APOO: variants seen among roughly 807,000 people sequenced by gnomAD.
APOO encodes apolipoprotein O.
APOO carries 11 observed loss-of-function variants against 23.1 expected under a neutral mutation model. The ratio of observed to expected loss-of-function variants is 0.48; its 90% CI spans 0.30 to 0.79. APOO has a LOEUF of 0.79. Among genes scored for constraint, APOO ranks in the 30% least tolerant of loss-of-function variants. APOO has a pLI of 0.07. For synonymous variants in APOO, 59 were observed against 54.8 expected (o/e 1.08, Z -0.34); for missense variants, 160 against 142.7 (o/e 1.12, Z -0.62).
At chrX:23,853,109 T>C (rs948498288) in intron 7 of APOO, among the ~76,000 whole-genome samples, 1 of 110,332 alleles carries the variant, frequency 9.1e-6, no homozygotes, top group African/African-American at 3.3e-5. Context: ...AATACAAAAA[T>C]TAGCTGGGTG....
intron 1 of APOO, 63 bp downstream of exon 1, chrX:23,907,631 C>T (rs944703619): frequency 6.4e-5 from 71 of 1,117,733 alleles, no homozygotes; most frequent in Non-Finnish European, 9.5e-6. Flanking sequence ...CAAGAGAGCG[C>T]GGGGAGGGCT....
At chrX:23,888,727 G>A (rs1926481850) in intron 1 of APOO, among the ~76,000 whole-genome samples, 1 of 108,139 alleles carries the variant, frequency 9.2e-6, no homozygotes. Flanking sequence ...GCATGTGCCT[G>A]TAGTCCCAGC....
At chrX:23,896,896 C>T (rs1345435260) in intron 1 of APOO, among the ~76,000 whole-genome samples, 1 of 109,176 alleles carries the variant, frequency 9.2e-6, no homozygotes, top group Non-Finnish European at 1.9e-5. Context: ...CCTGCCTTGG[C>T]CTCCCAAAGC....
intron 7 of APOO, chrX:23,840,870 G>A (rs1923936291): frequency 8.9e-6 from 1 of 111,829 alleles, no homozygotes; most frequent in Non-Finnish European, 1.9e-5. Context: ...CACAAAACAT[G>A]TTTACTCTGA....
chrX:23,876,281 AAAAT>A (rs1925848838), intron 3 of APOO, among the ~76,000 whole-genome samples: 1 of 108,850 alleles, frequency 9.2e-6, no homozygotes, highest in African/African-American at 3.3e-5. Context: ...AAAAAAAATA[AAAAT>A]AAAAATAAAA....
chrX:23,900,006 T>C (rs187463809), intron 1 of APOO, among the ~76,000 whole-genome samples: 16 of 112,731 alleles, frequency 1.4e-4, no homozygotes, highest in Admixed American at 1.0e-3. Flanking sequence ...GTTCTTTTAA[T>C]GTATCGTTTT....
At chrX:23,873,147 T>C (rs1925693423) in intron 4 of APOO, among the ~76,000 whole-genome samples, 1 of 111,661 alleles carries the variant, frequency 9.0e-6, no homozygotes, top group African/African-American at 3.2e-5. Context: ...TACTAGGTCT[T>C]ATTCATTCTA....
intron 7 of APOO, among the ~76,000 whole-genome samples, chrX:23,841,548 C>T (rs776764010): frequency 7.2e-4 from 75 of 104,483 alleles, no homozygotes; most frequent in Middle Eastern, 5.0e-3. Context: ...ATGGTCACCA[C>T]ATCCACTTGA....
At chrX:23,881,398 A>T (rs1423091156) in intron 1 of APOO, among the ~76,000 whole-genome samples, 1 of 106,979 alleles carries the variant, frequency 9.3e-6, no homozygotes, top group African/African-American at 3.4e-5. Context: ...TTTTTAAAAA[A>T]TCAGCCAGGC....
At position 23,879,114 on chromosome X, in the gene APOO, TATA is replaced by T. The variant is rs1925995129; in HGVS notation, c.118-83_118-81del. 1.4e-5 allele frequency: 15 copies of T among 1,053,825 alleles called. No homozygotes were observed. In the South Asian group the frequency reaches 3.7e-4, roughly 26 times the overall value. The allele number at this position is 1,053,825 out of a possible 1,213,427, so 86.8% of individuals were successfully genotyped here. A position where few individuals can be genotyped will look rare whatever the true frequency, so the allele number is the denominator to read the frequency against. On this transcript the variant is annotated intron_variant, in intron 2 of 8. Coordinates refer to ENST00000379226, the MANE Select transcript of APOO (RefSeq NM_024122.5). The stretch of plus-strand genomic sequence containing the variant: ...ATTTATCAAATTTGTAAGTATTTAA[TATA>T]ATATTTCTAGTAATTCATGAATTAC...
chrX:23,856,554 ATTT>A (rs373801710), intron 6 of APOO, among the ~76,000 whole-genome samples, 172 bp from the exon 7 acceptor site: 1 of 103,098 alleles, frequency 9.7e-6, no homozygotes, highest in Non-Finnish European at 2.0e-5. Context: ...TCAATGGTAG[ATTT>A]TTTTTTTTTT....
intron 7 of APOO, among the ~76,000 whole-genome samples, chrX:23,847,605 G>A (rs1924305730): frequency 9.2e-6 from 1 of 109,208 alleles, no homozygotes; most frequent in Non-Finnish European, 1.9e-5. Context: ...CAGCCTGGGC[G>A]ACAGTGCGAG....
intron 1 of APOO, among the ~76,000 whole-genome samples, chrX:23,906,960 T>C (rs1413380855): frequency 8.9e-6 from 1 of 112,809 alleles, no homozygotes; most frequent in East Asian, 2.8e-4. Flanking sequence ...ATTTTATGGG[T>C]ACTATGCTTC....
At chrX:23,889,957 G>A (rs1046609284) in intron 1 of APOO, among the ~76,000 whole-genome samples, 18 of 110,904 alleles carry the variant, frequency 1.6e-4, no homozygotes, top group Admixed American at 2.9e-4. Flanking sequence ...CACCGCGCCT[G>A]GCCCACCTGG....
intron 7 of APOO, chrX:23,840,659 A>T (rs1190383159): frequency 9.3e-6 from 2 of 213,986 alleles, no homozygotes; most frequent in African/African-American, 5.9e-5. Flanking sequence ...GCCCTACTGT[A>T]GAGTGACTTG....
At chrX:23,873,445 A>G (rs1035636836) in intron 4 of APOO, among the ~76,000 whole-genome samples, 2 of 110,797 alleles carry the variant, frequency 1.8e-5, no homozygotes, top group Non-Finnish European at 3.8e-5. Flanking sequence ...TGTCTCTACT[A>G]AAAATACAAA....
chrX:23,873,707 C>T (rs1222749850), intron 4 of APOO, among the ~76,000 whole-genome samples: 3 of 111,334 alleles, frequency 2.7e-5, no homozygotes, highest in Non-Finnish European at 5.6e-5. Context: ...CATCAATACA[C>T]CATGGTGATC....
At chrX:23,854,672 C>G (rs1924701133) in intron 7 of APOO, among the ~76,000 whole-genome samples, 2 of 96,127 alleles carry the variant, frequency 2.1e-5, no homozygotes, top group Admixed American at 2.2e-4. Context: ...AGACGTGCAT[C>G]ACCATGCCCA....
intron 7 of APOO, among the ~76,000 whole-genome samples, chrX:23,843,023 A>C (rs1924067621): frequency 9.1e-6 from 1 of 109,408 alleles, no homozygotes; most frequent in Admixed American, 9.8e-5. Flanking sequence ...ACAAACAAAA[A>C]CAAACAAACA....
Sources: allele counts gnomAD v4.1 joint callset (sites outside exome capture counted in the v4.1 genomes callset), GRCh38; gene constraint gnomAD v4.1.1; transcripts MANE v1.5; gene names NCBI Gene and HGNC (gene_info 2026-07-23, HGNC 2026-07-21).